The following PDLIM1 variants were observed in gnomAD, a reference collection of about 807,000 sequenced individuals.
PDLIM1 encodes PDZ and LIM domain protein 1.
PDLIM1 carries 25 observed loss-of-function variants against 35.2 expected under a neutral mutation model. That is an observed-to-expected ratio of 0.71 (90% CI 0.52 to 0.99). The LOEUF is 0.99. Among genes scored for constraint, PDLIM1 ranks in the 50% least tolerant of loss-of-function variants. The probability of loss-of-function intolerance (pLI) is 0.00; values close to 1 mark genes in which losing one functional copy is unlikely to be tolerated. For synonymous variants in PDLIM1, 152 were observed against 154.0 expected, an observed-to-expected ratio of 0.99 and a Z score of 0.10; for missense variants, 363 against 415.3, an observed-to-expected ratio of 0.87 and a Z score of 1.09.
chr10:95,238,126 G>C lies in PDLIM1; in HGVS notation c.804-15C>G. Reference sequence around the variant, plus strand: ...CAAACACACCACTACAGAAGCAAGGGAGGGAAGGGACTCCATCAGTGACAA... The same window carrying C: ...CAAACACACCACTACAGAAGCAAGGCAGGGAAGGGACTCCATCAGTGACAA... On this transcript the variant is annotated splice_polypyrimidine_tract_variant and intron_variant, in intron 6 of 6. Coordinates refer to ENST00000329399, the MANE Select transcript of PDLIM1 (RefSeq NM_020992.4). 1 of 1,607,208 alleles carries C rather than the reference G, an allele frequency of 6.2e-7. No homozygotes were observed. The highest frequency in any genetic ancestry group is 1.1e-5 in the South Asian group (1 of 90,422).
intron 5 of PDLIM1, among the ~76,000 whole-genome samples, chr10:95,239,315 A>G (rs1206713940): frequency 6.6e-6 from 1 of 152,232 alleles, no homozygotes; most frequent in Non-Finnish European, 1.5e-5. Context: ...GAAAACCCGA[A>G]AAGCAATTGT....
At position 95,287,248 on chromosome 10, in the gene PDLIM1, C is replaced by T. The variant is rs577249854; in HGVS notation, c.96+3572G>A. Among the ~76,000 whole-genome samples, 17 of 152,282 alleles carry T rather than the reference C, an allele frequency of 1.1e-4. 1 individual carries two copies. The South Asian group carries it at 3.3e-3, about 30-fold the overall frequency. On this transcript the variant is annotated intron_variant, in intron 1 of 6. Coordinates refer to ENST00000329399, the MANE Select transcript of PDLIM1 (RefSeq NM_020992.4). ...ACAATGGCCATTAAAACATAATGAC[C>T]CTTTTTGGACATTTCCTGCTTTTCA...
intron 4 of PDLIM1, among the ~76,000 whole-genome samples, chr10:95,249,620 T>C (rs1019803315): frequency 5.3e-5 from 8 of 152,170 alleles, no homozygotes; most frequent in African/African-American, 1.9e-4. Flanking sequence ...GGGTATATGT[T>C]TTCCCTGGGT....
At chr10:95,238,954 C>A in intron 5 of PDLIM1, 1 of 341,280 alleles carries the variant, frequency 2.9e-6, no homozygotes, top group African/African-American at 2.0e-5. Flanking sequence ...ATCATGCCAC[C>A]CAAATTCAAA....
At chr10:95,238,743 T>G in intron 5 of PDLIM1, 58 bp from the exon 6 acceptor site, 1 of 1,032,308 alleles carries the variant, frequency 9.7e-7, no homozygotes. Context: ...TAAGTATCAC[T>G]CAGCTCTTCA....
At chr10:95,239,699 G>A (rs1368993328) in intron 5 of PDLIM1, among the ~76,000 whole-genome samples, 1 of 152,158 alleles carries the variant, frequency 6.6e-6, no homozygotes, top group African/African-American at 2.4e-5. Context: ...AGGAGGCTGA[G>A]GCAAGAGAAT....
chr10:95,256,153 T>A (rs937693432), intron 4 of PDLIM1, among the ~76,000 whole-genome samples: 1 of 152,162 alleles, frequency 6.6e-6, no homozygotes, highest in African/African-American at 2.4e-5. Flanking sequence ...TAAAACATTT[T>A]AAAATGTTTA....
rs45579834 is a variant in PDLIM1, at chr10:95,280,156, A to C, written c.97-8372T>G. ...TCTGGGAGGCCAGGGTGGGTGGATC[A>C]CTAGAGGTCAGGAGTTCAAGACCAG... On this transcript the variant is annotated intron_variant, in intron 1 of 6. Coordinates refer to ENST00000329399, the MANE Select transcript of PDLIM1 (RefSeq NM_020992.4). 9.0e-3 allele frequency among the ~76,000 whole-genome samples: 1,378 copies of C among 152,284 alleles called. 27 individuals carry two copies. The highest frequency in any genetic ancestry group is 0.031 in the African/African-American group (1,300 of 41,560).
At chr10:95,263,664 C>T (rs2035385398) in intron 4 of PDLIM1, among the ~76,000 whole-genome samples, 200 bp downstream of exon 4, 1 of 152,176 alleles carries the variant, frequency 6.6e-6, no homozygotes, top group African/African-American at 2.4e-5. Context: ...CGTATTAATT[C>T]TTACTTTTAC....
intron 5 of PDLIM1, among the ~76,000 whole-genome samples, chr10:95,243,379 C>A (rs1315544672): frequency 2.0e-5 from 3 of 152,172 alleles, no homozygotes; most frequent in Admixed American, 2.0e-4. Flanking sequence ...TACAGTGAAC[C>A]CTGTATCCCA....
At chr10:95,253,575 G>A (rs1589509121) in intron 4 of PDLIM1, among the ~76,000 whole-genome samples, 1 of 151,450 alleles carries the variant, frequency 6.6e-6, no homozygotes, top group Non-Finnish European at 1.5e-5. Context: ...ACAATCACCT[G>A]AACCCGGGAG....
chr10:95,246,944 C>A (rs968017220), intron 5 of PDLIM1, among the ~76,000 whole-genome samples: 1 of 152,190 alleles, frequency 6.6e-6, no homozygotes, highest in African/African-American at 2.4e-5. Context: ...CAGGCTCACC[C>A]CAACCTTAGC....
chr10:95,254,256 T>C (rs1297069117), intron 4 of PDLIM1, among the ~76,000 whole-genome samples: 1 of 152,190 alleles, frequency 6.6e-6, no homozygotes, highest in Non-Finnish European at 1.5e-5. Flanking sequence ...TCATTTCCAA[T>C]ATTAATGTAT....
Position 95,290,862 on chromosome 10 carries a change from G to T in PDLIM1, c.54C>A (p.Leu18=), listed in dbSNP as rs780041972. 1 of 1,565,028 alleles carries T rather than the reference G, an allele frequency of 6.4e-7. No homozygotes were observed. Among genetic ancestry groups the T allele is most frequent in the East Asian group, 2.6e-5 (1 of 39,134 alleles). Residue 18 remains leucine (L), a synonymous_variant, in exon 1 of 7, where the codon CTC becomes CTA. Coordinates refer to ENST00000329399, the MANE Select transcript of PDLIM1 (RefSeq NM_020992.4). This position sits in a 1 kb window ranked among gnomAD's most constrained non-coding sequence, Gnocchi z 4.7. ...LQGPGPWGFR[L]VGGKDFEQPL... ...GCTGCTCGAAGTCCTTGCCGCCCAC[G>T]AGGCGGAAGCCCCACGGCCCCGGGC...
chr10:95,238,171 G>A (rs1319948160), intron 6 of PDLIM1, 60 bp from the exon 7 acceptor site: 1 of 1,478,894 alleles, frequency 6.8e-7, no homozygotes, highest in Non-Finnish European at 9.3e-7. Context: ...GGTGGCACCT[G>A]AGCAGGTGGC....
chr10:95,246,021 G>A (rs1030072022), intron 5 of PDLIM1, among the ~76,000 whole-genome samples: 2 of 152,192 alleles, frequency 1.3e-5, no homozygotes, highest in Non-Finnish European at 2.9e-5. Flanking sequence ...ATCACAAGGT[G>A]TCCCCTCACT....
At chr10:95,249,425 C>T (rs528739952) in intron 4 of PDLIM1, among the ~76,000 whole-genome samples, 22 of 152,328 alleles carry the variant, frequency 1.4e-4, no homozygotes, top group African/African-American at 5.3e-4. Context: ...TGTATATAAA[C>T]AAGTTGTGCT....
chr10:95,250,533 C>A (rs1235999580), intron 4 of PDLIM1, among the ~76,000 whole-genome samples: 11 of 152,024 alleles, frequency 7.2e-5, no homozygotes, highest in Non-Finnish European at 1.3e-4. Flanking sequence ...AAGGTATTGA[C>A]ATGATACCAC....
chr10:95,284,731 G>A (rs561568499), intron 1 of PDLIM1, among the ~76,000 whole-genome samples: 16 of 152,248 alleles, frequency 1.1e-4, no homozygotes, highest in Admixed American at 7.2e-4. Flanking sequence ...ACGAATGGTC[G>A]TGTCTATAAA....
Sources: allele counts gnomAD v4.1 joint callset (sites outside exome capture counted in the v4.1 genomes callset), GRCh38; gene constraint gnomAD v4.1.1; non-coding constraint Gnocchi (gnomAD v3.1); transcripts MANE v1.5; gene names NCBI Gene and HGNC (gene_info 2026-07-23, HGNC 2026-07-21).